The following PCDHGA11 variants were observed in gnomAD, a reference collection of about 807,000 sequenced individuals.
PCDHGA11 encodes protocadherin gamma-A11.
PCDHGA11 carries 39 observed loss-of-function variants against 60.4 expected under a neutral mutation model. That is an observed-to-expected ratio of 0.65 (90% CI 0.50 to 0.84). The LOEUF (loss-of-function observed/expected upper bound fraction) is 0.84. PCDHGA11 is among the 40% of genes least tolerant of loss of function. The pLI is 0.00. For synonymous variants in PCDHGA11, 533 were observed against 510.3 expected (o/e 1.04, Z -0.60); for missense variants, 1,165 against 1,197.7 (o/e 0.97, Z 0.40).
intron 3 of PCDHGA11, 126 bp downstream of exon 3, chr5:141,505,607 T>A: frequency 6.5e-7 from 1 of 1,528,684 alleles, no homozygotes. Flanking sequence ...TCGGCAGGTC[T>A]GAAAGGACCC....
In PCDHGA11 at chr5:141,489,053, G is replaced by C; in HGVS notation, c.2434-5754G>C. 1 of 473,650 alleles carries C rather than the reference G, an allele frequency of 2.1e-6. No homozygotes were observed. Among genetic ancestry groups the C allele is most frequent in the Non-Finnish European group, 3.7e-6 (1 of 270,732 alleles). The allele number at this position is 473,650 out of a possible 1,614,324, so 29.3% of individuals were successfully genotyped here. A position where few individuals can be genotyped will look rare whatever the true frequency, so the allele number is the denominator to read the frequency against. On this transcript the variant is annotated intron_variant, in intron 1 of 3. Transcript: ENST00000398587. The surrounding 1 kb of genome is among the most constrained non-coding windows in gnomAD (Gnocchi z 4.5). ...AGCTCCCCAGCTCCACTCAAATTCA[G>C]CTCCCCTCCCCCCTGCCCACCCCCG...
Position 141,491,623 on chromosome 5 carries a change from G to T in PCDHGA11, c.2434-3184G>T. 1 of 1,613,930 alleles carries T rather than the reference G, an allele frequency of 6.2e-7. No homozygotes were observed. The highest frequency in any genetic ancestry group is 1.1e-5 in the South Asian group (1 of 91,084). On this transcript the variant is annotated intron_variant, in intron 1 of 3. Transcript: ENST00000398587. This position sits in a 1 kb window ranked among gnomAD's most constrained non-coding sequence, Gnocchi z 6.9. ...CTTCACTTTTCTAAGACCCCTCAGC[G>T]TTCAGCAGCCCACAGCTCTGGCGCT...
At position 141,422,379 on chromosome 5, in the gene PCDHGA11, C is replaced by G. The variant is rs2096644662; in HGVS notation, c.1152C>G (p.Ser384=). 6.3e-7 allele frequency: 1 copy of G among 1,576,826 alleles called. No homozygotes were observed. Among genetic ancestry groups the G allele is most frequent in the East Asian group, 2.2e-5 (1 of 44,736 alleles). ...DQDSGENGQV[S]CFIPNHLPFK... The stretch of plus-strand genomic sequence containing the variant: ...ATTCTGGAGAAAATGGTCAAGTCTC[C>G]TGTTTTATTCCTAACCACCTGCCTT... The change falls in exon 1 of 4, where the codon TCC becomes TCG. Residue 384 remains serine (S), a synonymous_variant. Coordinates refer to ENST00000398587, the MANE Select transcript of PCDHGA11 (RefSeq NM_018914.3).
In PCDHGA11 at chr5:141,485,233, C is replaced by T; in HGVS notation, c.2434-9574C>T. 1.2e-6 allele frequency: 2 copies of T among 1,614,182 alleles called. No individual in the cohort carries two copies. The highest frequency in any genetic ancestry group is 1.7e-6 in the Non-Finnish European group (2 of 1,180,030). ...GGCGGTGGGCTACCCTTTTGTTCCTCTTTTACCACCTGGGTTACGTTTGTG... is the reference window on the plus strand; with the variant it reads ...GGCGGTGGGCTACCCTTTTGTTCCTTTTTTACCACCTGGGTTACGTTTGTG... On this transcript the variant is annotated intron_variant, in intron 1 of 3. Transcript: ENST00000398587. This position sits in a 1 kb window ranked among gnomAD's most constrained non-coding sequence, Gnocchi z 5.7.
Position 141,490,310 on chromosome 5 carries a change from A to G in PCDHGA11, c.2434-4497A>G. 2 of 1,614,082 alleles carry G rather than the reference A, an allele frequency of 1.2e-6. No homozygotes were observed. Among genetic ancestry groups the G allele is most frequent in the South Asian group, 2.2e-5 (2 of 91,078 alleles). ...GAGGTGCTATTGGCCTCTTTGGCCA[A>G]CCCTGTCCTAGAGAGCACACCAGTG... On this transcript the variant is annotated intron_variant, in intron 1 of 3. Transcript: ENST00000398587. The surrounding 1 kb of genome is among the most constrained non-coding windows in gnomAD (Gnocchi z 5.4).
intron 1 of PCDHGA11, among the ~76,000 whole-genome samples, chr5:141,434,831 A>T (rs1328843764): frequency 6.6e-6 from 1 of 151,904 alleles, no homozygotes; most frequent in East Asian, 1.9e-4. Flanking sequence ...TACACTTGGC[A>T]TTTATAAAGC....
chr5:141,473,367 T>C (rs1343477225), intron 1 of PCDHGA11, among the ~76,000 whole-genome samples: 1 of 152,178 alleles, frequency 6.6e-6, no homozygotes, highest in Non-Finnish European at 1.5e-5. Flanking sequence ...GCCACCAAAA[T>C]AGCATGGTCC....
At chr5:141,427,896 C>T in intron 1 of PCDHGA11, 2 of 1,570,508 alleles carry the variant, frequency 1.3e-6, no homozygotes, top group Non-Finnish European at 1.7e-6. Context: ...CCAGGGCTCG[C>T]CCGCGCTCAG....
At chr5:141,478,795 C>T (rs919747545) in intron 1 of PCDHGA11, 7 of 1,468,056 alleles carry the variant, frequency 4.8e-6, no homozygotes, top group Non-Finnish European at 6.3e-6. Flanking sequence ...ACATCCTCAG[C>T]ACTCTTTTGC....
intron 2 of PCDHGA11, among the ~76,000 whole-genome samples, chr5:141,497,809 G>A (rs1256990692): frequency 1.3e-5 from 2 of 152,190 alleles, no homozygotes. Context: ...CAAAGTGCTA[G>A]AATTACAGGT....
rs2099621975 is a variant in PCDHGA11 at position 141,485,946 on chromosome 5, G to A, written c.2434-8861G>A. ...AGTGTGTTGGAGAGCGCACCAGCGG[G>A]CATGGTGCTCATCCAGCTCAATGCC... On this transcript the variant is annotated intron_variant, in intron 1 of 3. Transcript: ENST00000398587. This position sits in a 1 kb window ranked among gnomAD's most constrained non-coding sequence, Gnocchi z 5.7. The A allele has an allele frequency of 1.2e-6, 2 of 1,614,040 alleles. No homozygotes were observed. The highest frequency in any genetic ancestry group is 2.2e-5 in the East Asian group (1 of 44,884).
Position 141,490,909 on chromosome 5 carries a change from G to T in PCDHGA11, c.2434-3898G>T. 4 of 1,613,744 alleles carry T rather than the reference G, an allele frequency of 2.5e-6. No individual in the cohort carries two copies. Among genetic ancestry groups the T allele is most frequent in the Non-Finnish European group, 3.4e-6 (4 of 1,179,762 alleles). ...ATCTCTGCATGTGTTTGTCCTAGAC[G>T]AGAATGATAATGCCCCAGCTGTGCT... On this transcript the variant is annotated intron_variant, in intron 1 of 3. Transcript: ENST00000398587. The surrounding 1 kb of genome is among the most constrained non-coding windows in gnomAD (Gnocchi z 5.4).
chr5:141,497,812 T>C (rs947015544), intron 2 of PCDHGA11, among the ~76,000 whole-genome samples: 2 of 152,202 alleles, frequency 1.3e-5, no homozygotes, highest in African/African-American at 4.8e-5. Flanking sequence ...AGTGCTAGAA[T>C]TACAGGTGTG....
chr5:141,508,139 G>C (rs1243018384), intron 3 of PCDHGA11: 1 of 152,514 alleles, frequency 6.6e-6, no homozygotes, highest in African/African-American at 2.4e-5. Flanking sequence ...CAGGGAGCTG[G>C]GGGCTGAGTT....
Position 141,422,925 on chromosome 5 carries a change from T to G in PCDHGA11, c.1698T>G (p.Pro566=), listed in dbSNP as rs568894245. The change falls in exon 1 of 4, where the codon CCT becomes CCG. Residue 566 remains proline, a synonymous_variant. Transcript: ENST00000398587. ...ACAATGCGCCCGAGATCCTGTACCC[T>G]GCCCTCCCCACAGACGGCTCCACTG... ...QNDNAPEILY[P]ALPTDGSTGV... is the part of the protein sequence containing the mutation. 1.9e-6 allele frequency: 3 copies of G among 1,614,202 alleles called. No individual in the cohort carries two copies. The Admixed American group carries it at 5.0e-5, about 27-fold the overall frequency.
chr5:141,510,420 G>A (rs1275392355), intron 3 of PCDHGA11, among the ~76,000 whole-genome samples: 2 of 152,126 alleles, frequency 1.3e-5, no homozygotes, highest in Non-Finnish European at 2.9e-5. Flanking sequence ...TAAAGCCATG[G>A]TTTCATGGCT....
intron 2 of PCDHGA11, among the ~76,000 whole-genome samples, chr5:141,502,866 C>CTTTTTTCTT (rs2099816532): frequency 7.8e-6 from 1 of 128,046 alleles, no homozygotes; most frequent in African/African-American, 3.1e-5. Context: ...GACTCTCTGT[C>CTTTTTTCTT]TTTTTTTTTT....
In PCDHGA11 at chr5:141,511,032, G is replaced by A; in HGVS notation, c.2667G>A (p.Gln889=). 1.2e-6 allele frequency: 2 copies of A among 1,614,228 alleles called. No homozygotes were observed. The highest frequency in any genetic ancestry group is 2.2e-5 in the East Asian group (1 of 44,888). The change falls in exon 4 of 4, where the codon CAG becomes CAA. Residue 889 remains glutamine, a synonymous_variant. Transcript: ENST00000398587. Reference sequence around the variant, plus strand: ...GCTACGGACCCCAGTTCACCCTGCAGCACGTGCCCGACTACCGCCAGAATG... The same window carrying A: ...GCTACGGACCCCAGTTCACCCTGCAACACGTGCCCGACTACCGCCAGAATG... ...SARYGPQFTL[Q]HVPDYRQNVY...
At chr5:141,427,570 C>T (rs1487817661) in intron 1 of PCDHGA11, 1 of 662,270 alleles carries the variant, frequency 1.5e-6, no homozygotes, top group Admixed American at 2.1e-5. Context: ...GGCAAGCCTC[C>T]GCTCTCATCC....
Sources: allele counts gnomAD v4.1 joint callset (sites outside exome capture counted in the v4.1 genomes callset), GRCh38; gene constraint gnomAD v4.1.1; non-coding constraint Gnocchi (gnomAD v3.1); transcripts MANE v1.5; gene names NCBI Gene and HGNC (gene_info 2026-07-23, HGNC 2026-07-21).